KYAT1: variants seen among roughly 807,000 people sequenced by gnomAD.
KYAT1 encodes the protein kynurenine aminotransferase 1.
Under a neutral mutation model 52.4 loss-of-function variants are expected in KYAT1, and 47 were observed. The observed-to-expected ratio is 0.90, with a 90% CI of 0.71 to 1.14. The LOEUF (loss-of-function observed/expected upper bound fraction) is 1.14. Ranked by LOEUF, KYAT1 falls within the 50% of genes most tolerant of loss-of-function variation. KYAT1 has a pLI of 0.00. For synonymous variants in KYAT1, 212 were observed against 209.6 expected (o/e 1.01, Z -0.10); for missense variants, 480 against 557.9 (o/e 0.86, Z 1.41).
At chr9:128,835,147 AAAAG>A in intron 11 of KYAT1, 172 bp downstream of exon 11, 1 of 639,254 alleles carries the variant, frequency 1.6e-6, no homozygotes, top group East Asian at 2.7e-5. Flanking sequence ...CCAAAAAAAA[AAAAG>A]AAAGAAAAAA....
intron 1 of KYAT1, among the ~76,000 whole-genome samples, chr9:128,873,551 C>T (rs1456781426): frequency 1.3e-5 from 2 of 152,018 alleles, no homozygotes; most frequent in Non-Finnish European, 2.9e-5. Context: ...GCAGGCAGAT[C>T]ATTTGAGGTC....
rs140561405 is a variant in KYAT1 at position 128,872,732 on chromosome 9, C to T, written c.-7+9165G>A. On this transcript the variant is annotated intron_variant, in intron 1 of 12. Transcript: ENST00000302586. ...CAGTGAGCCAAGATCGCACCGTTTG[C>T]ACTCTAGCCTGGGTGACAGAGCGAG... is the stretch of plus-strand genomic sequence containing the variant. Among the ~76,000 whole-genome samples the T allele has an allele frequency of 3.0e-3, 447 of 151,376 alleles. 1 individual carries two copies. The highest frequency in any genetic ancestry group is 0.01 in the African/African-American group (429 of 41,220).
chr9:128,847,001 C>T, intron 1 of KYAT1: 1 of 750,134 alleles, frequency 1.3e-6, no homozygotes, highest in Non-Finnish European at 2.1e-6. Context: ...CAGGTACCTG[C>T]CCAGGGTCAG....
chr9:128,847,490 C>T lies in KYAT1; in HGVS notation c.-6-2079G>A, dbSNP rs1833291988. On this transcript the variant is annotated intron_variant, in intron 1 of 12. Coordinates refer to ENST00000302586, the MANE Select transcript of KYAT1 (RefSeq NM_004059.5). ...CAGCCTTCCTTCCCTGAAGGGGCCC[C>T]ACCAGGTGCACAGAGATGGCTGCTG... The T allele has an allele frequency of 5.2e-6, 8 of 1,536,040 alleles. No individual in the cohort carries two copies. In the South Asian group the frequency reaches 7.1e-5, roughly 14 times the overall value.
intron 1 of KYAT1, chr9:128,860,044 G>T (rs1293900960): frequency 6.6e-6 from 1 of 152,174 alleles, no homozygotes; most frequent in Non-Finnish European, 1.5e-5. Context: ...AACCAGGGAC[G>T]CCACTGGGAT....
At chr9:128,870,898 T>C (rs1837127481) in intron 1 of KYAT1, among the ~76,000 whole-genome samples, 1 of 151,744 alleles carries the variant, frequency 6.6e-6, no homozygotes, top group African/African-American at 2.4e-5. Flanking sequence ...TGCCACTGAA[T>C]TGTATACCTT....
At chr9:128,854,409 A>C (rs2119341761) in intron 1 of KYAT1, among the ~76,000 whole-genome samples, 1 of 152,348 alleles carries the variant, frequency 6.6e-6, no homozygotes, top group African/African-American at 2.4e-5. Context: ...AACATAAAAA[A>C]TAGAGAAGGT....
chr9:128,845,997 G>A (rs538821851), intron 1 of KYAT1, among the ~76,000 whole-genome samples: 1 of 152,318 alleles, frequency 6.6e-6, no homozygotes, highest in East Asian at 1.9e-4. Context: ...TAGGCCTGTT[G>A]GACCCAAGGC....
At chr9:128,847,160 T>C (rs1281472849) in intron 1 of KYAT1, among the ~76,000 whole-genome samples, 1 of 152,086 alleles carries the variant, frequency 6.6e-6, no homozygotes, top group Non-Finnish European at 1.5e-5. Flanking sequence ...TCAGTTGACA[T>C]TTATTGAGTC....
intron 6 of KYAT1, 147 bp downstream of exon 6, chr9:128,837,538 C>T (rs1831336773): frequency 1.1e-6 from 1 of 918,800 alleles, no homozygotes; most frequent in East Asian, 2.6e-5. Flanking sequence ...GTCCTGGGAC[C>T]TCTGGAGTCT....
intron 1 of KYAT1, among the ~76,000 whole-genome samples, chr9:128,848,812 CTCTG>C (rs1299044883): frequency 7.4e-6 from 1 of 134,510 alleles, no homozygotes; most frequent in Non-Finnish European, 1.6e-5. Context: ...CAGAGTGAGA[CTCTG>C]TCTCAAAAAA....
chr9:128,838,257 C>A lies in KYAT1; in HGVS notation c.312G>T (p.Leu104=), dbSNP rs1166821755. 6 of 1,614,244 alleles carry A rather than the reference C, an allele frequency of 3.7e-6. No individual in the cohort carries two copies. ...VLVTVGGYGA[L]FTAFQALVDE... ...CCACCAGGGCCTGGAAGGCTGTGAACAGGGCCCCATAGCCACCAACAGTCA... is the reference window on the plus strand; with the variant it reads ...CCACCAGGGCCTGGAAGGCTGTGAAAAGGGCCCCATAGCCACCAACAGTCA... Residue 104 remains leucine (L), a synonymous_variant, in exon 4 of 13, where the codon CTG becomes CTT. Transcript: ENST00000302586.
At chr9:128,858,878 C>T (rs1324688017) in intron 1 of KYAT1, among the ~76,000 whole-genome samples, 1 of 150,518 alleles carries the variant, frequency 6.6e-6, no homozygotes, top group Non-Finnish European at 1.5e-5. Flanking sequence ...CATGGTGGCT[C>T]ATACCTGTAA....
rs761164068 is a variant in KYAT1, at chr9:128,836,826, C to G, written c.664G>C (p.Asp222His). 1.5e-5 allele frequency: 24 copies of G among 1,613,808 alleles called. No individual in the cohort carries two copies. The highest frequency in any genetic ancestry group is 1.9e-5 in the Non-Finnish European group (23 of 1,179,970). Residue 222 changes from aspartate to histidine, a missense_variant, in exon 7 of 13, where the codon GAC (aspartate) becomes CAC (histidine). Asp to His is a moderately conservative substitution (Grantham distance 81). Coordinates refer to ENST00000302586, the MANE Select transcript of KYAT1 (RefSeq NM_004059.5). ...CCAATGCTGATGTGCTGGTGCCCGT[C>G]GTAGACCATCCACTGGTAGACTTCA... ...TDEVYQWMVYDGHQHISIASL... is the reference protein window; with the variant it reads ...TDEVYQWMVYHGHQHISIASL...
At position 128,833,348 on chromosome 9, in the gene KYAT1, T is replaced by C; in HGVS notation, c.*236A>G. The C allele has an allele frequency of 1.7e-6, 1 of 604,792 alleles. No homozygotes were observed. The highest frequency in any genetic ancestry group is 2.9e-6 in the Non-Finnish European group (1 of 341,396). The allele number at this position is 604,792 out of a possible 1,614,324, so 37.5% of individuals were successfully genotyped here. On this transcript the variant is annotated 3_prime_UTR_variant, in exon 13 of 13. Coordinates refer to ENST00000302586, the MANE Select transcript of KYAT1 (RefSeq NM_004059.5). ...ACACAAGACCCTACAAACCCACCTA[T>C]GGAGGGGCAGGGAGAGGCCCAGGTC...
At chr9:128,846,037 C>G (rs920448603) in intron 1 of KYAT1, among the ~76,000 whole-genome samples, 4 of 152,220 alleles carry the variant, frequency 2.6e-5, no homozygotes, top group African/African-American at 4.8e-5. Context: ...AGGCACTAAT[C>G]CGCTCCTCGG....
intron 2 of KYAT1, among the ~76,000 whole-genome samples, chr9:128,843,124 A>ACCTGGCTCACTTGTTAT (rs1370485286): frequency 2.0e-5 from 3 of 152,204 alleles, no homozygotes; most frequent in Non-Finnish European, 4.4e-5. Context: ...CCGAGATCGC[A>ACCTGGCTCACTTGTTAT]CCATTGCACT....
chr9:128,875,991 G>A (rs1021878692), intron 1 of KYAT1, among the ~76,000 whole-genome samples: 5 of 151,996 alleles, frequency 3.3e-5, no homozygotes, highest in African/African-American at 9.7e-5. Context: ...AACCCCCATT[G>A]GACCAGCTCT....
intron 1 of KYAT1, among the ~76,000 whole-genome samples, chr9:128,847,168 G>C (rs1833233460): frequency 6.6e-6 from 1 of 152,180 alleles, no homozygotes; most frequent in African/African-American, 2.4e-5. Context: ...CATTTATTGA[G>C]TCCCTACCAG....
Sources: gnomAD v4.1 joint callset for allele counts (sites outside exome capture counted in the v4.1 genomes callset) on GRCh38, gnomAD v4.1.1 for gene constraint, MANE v1.5 for transcripts, NCBI Gene and HGNC (gene_info 2026-07-23, HGNC 2026-07-21) for gene names.